TIAM1: variants seen among roughly 807,000 people sequenced by gnomAD.
The protein encoded by TIAM1 is TIAM Rac1 associated GEF 1.
In TIAM1, 65 loss-of-function variants were observed where a neutral mutation model predicts 163.5. The ratio of observed to expected loss-of-function variants is 0.40; its 90% CI spans 0.33 to 0.49. The LOEUF (loss-of-function observed/expected upper bound fraction) is 0.49, where lower values mean the gene tolerates loss of function less well. TIAM1 is among the 20% of genes least tolerant of loss of function. The probability of loss-of-function intolerance (pLI) is 0.77; values close to 1 mark genes in which losing one functional copy is unlikely to be tolerated. For synonymous variants in TIAM1, 833 were observed against 810.1 expected (o/e 1.03, Z -0.48); for missense variants, 1,789 against 2,044.7 (o/e 0.87, Z 2.41).
chr21:31,333,724 G>A lies in TIAM1; in HGVS notation c.-189+5519C>T, dbSNP rs186040341. On this transcript the variant is annotated intron_variant, in intron 2 of 27. Transcript: ENST00000541036. ...CAAAGTGCTGGGACTATGGGCATGGGCCATCACGCCTGGCCTGAACACTTA... is the reference window on the plus strand; with the variant it reads ...CAAAGTGCTGGGACTATGGGCATGGACCATCACGCCTGGCCTGAACACTTA... 3.3e-5 allele frequency among the ~76,000 whole-genome samples: 5 copies of A among 152,300 alleles called. No individual in the cohort carries two copies. The South Asian group carries it at 8.3e-4, about 25-fold the overall frequency.
chr21:31,518,851 T>C (rs540089126), intron 1 of TIAM1, among the ~76,000 whole-genome samples: 1 of 152,194 alleles, frequency 6.6e-6, no homozygotes, highest in Non-Finnish European at 1.5e-5. Context: ...CCTTTAGGGA[T>C]AGCCTGGAAA....
chr21:31,549,777 T>C (rs60490319), intron 1 of TIAM1, among the ~76,000 whole-genome samples: 5,700 of 152,288 alleles, frequency 0.037, 375 homozygotes, highest in African/African-American at 0.13. Context: ...ACGTTAAACA[T>C]AGAATTACGT....
chr21:31,141,338 G>A lies in TIAM1; in HGVS notation c.3642C>T (p.His1214=). The change falls in exon 21 of 28, where the codon CAC becomes CAT. Residue 1214 remains histidine (H), a synonymous_variant. Coordinates refer to ENST00000541036, the MANE Select transcript of TIAM1 (RefSeq NM_001353694.2). This position sits in a 1 kb window ranked among gnomAD's most constrained non-coding sequence, Gnocchi z 4.7. Reference sequence around the variant, plus strand: ...GCCGAGGCCTACCGTCCAGGTGGTAGTGCTCCTCGCTCTCCGCATCGGTCA... The same window carrying A: ...GCCGAGGCCTACCGTCCAGGTGGTAATGCTCCTCGCTCTCCGCATCGGTCA... ...FALTDAESEE[H]YHLDVAIKTM... is the part of the protein sequence containing the mutation. 2.5e-6 allele frequency: 4 copies of A among 1,614,198 alleles called. No individual in the cohort carries two copies. The highest frequency in any genetic ancestry group is 3.4e-6 in the Non-Finnish European group (4 of 1,180,016).
chr21:31,155,721 G>C (rs187696926), intron 16 of TIAM1, among the ~76,000 whole-genome samples: 3 of 151,998 alleles, frequency 2.0e-5, no homozygotes, highest in Non-Finnish European at 2.9e-5. Flanking sequence ...GGCCAGGATG[G>C]TCTCAATCTG....
At chr21:31,145,859 C>T (rs1036881570) in intron 20 of TIAM1, among the ~76,000 whole-genome samples, 2 of 152,202 alleles carry the variant, frequency 1.3e-5, no homozygotes, top group South Asian at 4.1e-4. Context: ...ACAATGAAAC[C>T]AATTTTTTTC....
intron 2 of TIAM1, among the ~76,000 whole-genome samples, chr21:31,427,861 T>A (rs935904256): frequency 2.0e-5 from 3 of 151,928 alleles, no homozygotes; most frequent in African/African-American, 7.2e-5. Context: ...TTAAATACAT[T>A]AAATTAAAAG....
At chr21:31,213,249 T>C (rs940613880) in intron 10 of TIAM1, 149 bp downstream of exon 10, 2 of 624,316 alleles carry the variant, frequency 3.2e-6, no homozygotes, top group African/African-American at 3.8e-5. Flanking sequence ...TTTCCATCTC[T>C]TGTTGACTTA....
intron 16 of TIAM1, among the ~76,000 whole-genome samples, chr21:31,157,274 G>A (rs1320822806): frequency 6.6e-6 from 1 of 152,160 alleles, no homozygotes; most frequent in Non-Finnish European, 1.5e-5. Flanking sequence ...TGGTGAACTG[G>A]TGAGTGACGG....
At chr21:31,389,645 G>A (rs1311060318) in intron 2 of TIAM1, among the ~76,000 whole-genome samples, 1 of 152,206 alleles carries the variant, frequency 6.6e-6, no homozygotes, top group African/African-American at 2.4e-5. Flanking sequence ...ATATTCATTT[G>A]AACAGACTGG....
chr21:31,365,947 C>T (rs966714329), intron 2 of TIAM1, among the ~76,000 whole-genome samples: 1 of 151,444 alleles, frequency 6.6e-6, no homozygotes, highest in African/African-American at 2.4e-5. Context: ...CTAAAATATA[C>T]AAAAATTAGC....
intron 25 of TIAM1, among the ~76,000 whole-genome samples, chr21:31,129,937 T>C (rs1280986531): frequency 6.6e-6 from 1 of 152,094 alleles, no homozygotes; most frequent in Non-Finnish European, 1.5e-5. Flanking sequence ...TAGAATAGAA[T>C]AACTAGAATC....
intron 2 of TIAM1, among the ~76,000 whole-genome samples, chr21:31,451,655 T>C (rs557887425): frequency 1.6e-4 from 22 of 133,702 alleles, no homozygotes; most frequent in African/African-American, 5.7e-4. Context: ...AATTTGTTCA[T>C]AGAGAAAAGG....
intron 1 of TIAM1, among the ~76,000 whole-genome samples, chr21:31,525,172 C>T (rs1337655761): frequency 6.6e-6 from 1 of 151,942 alleles, no homozygotes; most frequent in Non-Finnish European, 1.5e-5. Flanking sequence ...GAGTTCAAGA[C>T]CAGCCTGGCC....
chr21:31,466,618 C>G (rs1235903840), intron 1 of TIAM1, among the ~76,000 whole-genome samples: 3 of 152,082 alleles, frequency 2.0e-5, no homozygotes, highest in African/African-American at 7.2e-5. Context: ...CGAGGTGGTG[C>G]CCAAGGCAAC....
chr21:31,542,251 C>T (rs1262777641), intron 1 of TIAM1, among the ~76,000 whole-genome samples: 1 of 151,886 alleles, frequency 6.6e-6, no homozygotes, highest in Non-Finnish European at 1.5e-5. Flanking sequence ...CGGTGAAACT[C>T]CGTCTCTACT....
chr21:31,377,087 C>A (rs535825593), intron 2 of TIAM1, among the ~76,000 whole-genome samples: 1 of 132,844 alleles, frequency 7.5e-6, no homozygotes, highest in African/African-American at 2.9e-5. Flanking sequence ...CCATGTTGGG[C>A]AAGCTGGTCT....
chr21:31,200,638 T>C (rs905485725), intron 12 of TIAM1, among the ~76,000 whole-genome samples: 1 of 152,240 alleles, frequency 6.6e-6, no homozygotes, highest in African/African-American at 2.4e-5. Context: ...TATAATTTAA[T>C]AAGCTAATAA....
chr21:31,356,222 T>C (rs970360633), intron 2 of TIAM1, among the ~76,000 whole-genome samples: 1 of 152,216 alleles, frequency 6.6e-6, no homozygotes, highest in African/African-American at 2.4e-5. Context: ...ATGTCAATAA[T>C]ACACAAACAC....
rs140773573 is a variant in TIAM1, at chr21:31,542,357, G to A, written c.-422+16570C>T. Among the ~76,000 whole-genome samples the A allele has an allele frequency of 3.9e-4, 59 of 152,064 alleles. No individual in the cohort carries two copies. In the East Asian group the frequency reaches 9.7e-3, roughly 25 times the overall value. On this transcript the variant is annotated intron_variant, in intron 1 of 28. Transcript: ENST00000286827. Reference sequence around the variant, plus strand: ...CAGGAGAATGGCGTGAACCCAGGAGGAGGAGCTTACAGTGAGCCGAGACCG... The same window carrying A: ...CAGGAGAATGGCGTGAACCCAGGAGAAGGAGCTTACAGTGAGCCGAGACCG...
Sources: allele counts gnomAD v4.1 joint callset (sites outside exome capture counted in the v4.1 genomes callset), GRCh38; gene constraint gnomAD v4.1.1; non-coding constraint Gnocchi (gnomAD v3.1); transcripts MANE v1.5; gene names NCBI Gene and HGNC (gene_info 2026-07-23, HGNC 2026-07-21).